PCDHA1: variants seen among roughly 807,000 people sequenced by gnomAD.
PCDHA1 encodes protocadherin alpha 1.
In PCDHA1, 42 loss-of-function variants were observed where a neutral mutation model predicts 61.3. The ratio of observed to expected loss-of-function variants is 0.69; its 90% CI spans 0.54 to 0.89. The LOEUF (loss-of-function observed/expected upper bound fraction) is 0.89, where lower values mean the gene tolerates loss of function less well. Among genes scored for constraint, PCDHA1 ranks in the 40% least tolerant of loss-of-function variants. PCDHA1 has a pLI of 0.00. For synonymous variants in PCDHA1, 610 were observed against 553.8 expected, an observed-to-expected ratio of 1.10 and a Z score of -1.43; for missense variants, 1,256 against 1,235.3, an observed-to-expected ratio of 1.02 and a Z score of -0.25.
At chr5:140,884,296 ACAGG>A in intron 1 of PCDHA1, 1 of 1,613,674 alleles carries the variant, frequency 6.2e-7, no homozygotes, top group Non-Finnish European at 8.5e-7. Flanking sequence ...GCCAAGCGCC[ACAGG>A]CTTCGTCGAG....
chr5:140,814,430 T>C (rs1433195135), intron 1 of PCDHA1: 3 of 151,644 alleles, frequency 2.0e-5, no homozygotes, highest in African/African-American at 7.3e-5. Context: ...CCTGAGGCTG[T>C]TTTGTGGTGA....
At chr5:140,885,189 C>T (rs1554182051) in intron 1 of PCDHA1, among the ~76,000 whole-genome samples, 1 of 151,992 alleles carries the variant, frequency 6.6e-6, no homozygotes, top group Non-Finnish European at 1.5e-5. Context: ...CATCAGTGTT[C>T]CCCTCTCATA....
rs1364522984 is a variant in PCDHA1 at position 140,856,543 on chromosome 5, A to G, written c.2394+67859A>G. 5.0e-6 allele frequency: 8 copies of G among 1,598,190 alleles called. No homozygotes were observed. In the African/African-American group the frequency reaches 6.7e-5, roughly 13 times the overall value. The stretch of plus-strand genomic sequence containing the variant: ...CTGATGCGGATGTTGGAGAGAACGC[A>G]TTGCTTACTTACAAACTCAGTCCAA... On this transcript the variant is annotated intron_variant, in intron 1 of 3. Transcript: ENST00000504120.
intron 1 of PCDHA1, among the ~76,000 whole-genome samples, chr5:140,837,886 C>T (rs1466183059): frequency 6.6e-6 from 1 of 151,430 alleles, no homozygotes; most frequent in East Asian, 1.9e-4. Context: ...GTCTTGTTTC[C>T]CAGGCTGGTC....
rs782424999 is a variant in PCDHA1, at chr5:140,787,664, C to G, written c.1374C>G (p.Pro458=). The G allele has an allele frequency of 6.2e-6, 10 of 1,613,674 alleles. No individual in the cohort carries two copies. The highest frequency in any genetic ancestry group is 8.5e-6 in the Non-Finnish European group (10 of 1,179,916). Residue 458 remains proline (P), a synonymous_variant, in exon 1 of 4, where the codon CCC becomes CCG. Transcript: ENST00000504120. ...VNDNAPAFAQ[P]EYTVFVKENN... The stretch of plus-strand genomic sequence containing the variant: ...ACAACGCGCCTGCGTTCGCGCAGCC[C>G]GAGTACACAGTATTCGTGAAGGAGA...
chr5:141,002,497 CT>C (rs1310638544), intron 3 of PCDHA1, among the ~76,000 whole-genome samples: 1 of 152,204 alleles, frequency 6.6e-6, no homozygotes, highest in Non-Finnish European at 1.5e-5. Flanking sequence ...TGTTATACAG[CT>C]CAGGATCTGA....
rs191774551 is a variant in PCDHA1, at chr5:140,984,794, A to C, written c.2542+2231A>C. Among the ~76,000 whole-genome samples, 4 of 152,294 alleles carry C rather than the reference A, an allele frequency of 2.6e-5. No homozygotes were observed. In the East Asian group the frequency reaches 7.7e-4, roughly 29 times the overall value. ...CTTACTTGCTGGGTGAGCATAGACA[A>C]ACTGCCTGAATTCATATTTTCTTAA... On this transcript the variant is annotated intron_variant, in intron 3 of 3. Transcript: ENST00000504120.
intron 1 of PCDHA1, chr5:140,883,919 C>T (rs1554180590): frequency 1.2e-6 from 2 of 1,613,316 alleles, no homozygotes; most frequent in Non-Finnish European, 8.5e-7. Flanking sequence ...CAACGTGACG[C>T]TGCAGGTGTT....
At chr5:140,834,897 C>T (rs1364114983) in intron 1 of PCDHA1, 11 of 1,602,496 alleles carry the variant, frequency 6.9e-6, no homozygotes, top group Non-Finnish European at 2.6e-6. Flanking sequence ...CACTTACAGA[C>T]TGAGCCCCAA....
At chr5:140,850,475 G>C (rs2150485791) in intron 1 of PCDHA1, 7 of 1,597,894 alleles carry the variant, frequency 4.4e-6, no homozygotes, top group Middle Eastern at 1.7e-4. Flanking sequence ...CAGCGCTGAC[G>C]GCCACGGCCA....
Position 140,842,613 on chromosome 5 carries a change from G to T in PCDHA1, c.2394+53929G>T, listed in dbSNP as rs782736515. On this transcript the variant is annotated intron_variant, in intron 1 of 3. Transcript: ENST00000504120. ...TTGGTGGTAACCGCGCGGGACGGGG[G>T]CTCGCCTTCGCTGTGGGCCACCGCC... 3.1e-6 allele frequency: 5 copies of T among 1,595,814 alleles called. 1 individual carries two copies. The highest frequency in any genetic ancestry group is 4.3e-6 in the Non-Finnish European group (5 of 1,165,648).
chr5:140,989,653 T>A (rs1308581336), intron 3 of PCDHA1, among the ~76,000 whole-genome samples: 2 of 152,194 alleles, frequency 1.3e-5, no homozygotes, highest in African/African-American at 4.8e-5. Context: ...ATGGCAATAT[T>A]TTAAAAGAAA....
rs191667063 is a variant in PCDHA1 at position 140,957,933 on chromosome 5, T to G, written c.2395-21016T>G. Among the ~76,000 whole-genome samples the G allele has an allele frequency of 2.8e-3, 419 of 152,208 alleles. 2 individuals carry two copies. The highest frequency in any genetic ancestry group is 0.014 in the Middle Eastern group (4 of 294). ...GTTATCTATGTATCAAGCTAAATAA[T>G]TTAAAGATCTTTAAGACTATTAATT... is the stretch of plus-strand genomic sequence containing the variant. On this transcript the variant is annotated intron_variant, in intron 1 of 3. Transcript: ENST00000504120.
Position 140,787,871 on chromosome 5 carries a change from G to C in PCDHA1, c.1581G>C (p.Glu527Asp). 6.2e-7 allele frequency: 1 copy of C among 1,613,192 alleles called. No homozygotes were observed. The highest frequency in any genetic ancestry group is 8.5e-7 in the Non-Finnish European group (1 of 1,179,854). ...CACTGCAGCCCCTGGACCACGAGGA[G>C]CTGGAGCTGCTGCAGTTCCAGGTGA... is the stretch of plus-strand genomic sequence containing the variant. Reference protein sequence around the residue: ...VYALQPLDHEELELLQFQVSA... With the variant: ...VYALQPLDHEDLELLQFQVSA... Residue 527 changes from glutamate to aspartate, a missense_variant, in exon 1 of 4, where the codon GAG becomes GAC. Transcript: ENST00000504120.
chr5:140,942,157 T>C (rs2093241169), intron 1 of PCDHA1, among the ~76,000 whole-genome samples: 1 of 152,236 alleles, frequency 6.6e-6, no homozygotes, highest in Non-Finnish European at 1.5e-5. Context: ...TAAAACAGCT[T>C]CCATATTTCT....
intron 1 of PCDHA1, chr5:140,968,755 A>G: frequency 6.2e-7 from 1 of 1,614,200 alleles, no homozygotes. Flanking sequence ...TGGTGGTCCG[A>G]GATAATGGAG....
At chr5:140,984,693 A>G (rs1587034361) in intron 3 of PCDHA1, among the ~76,000 whole-genome samples, 1 of 152,264 alleles carries the variant, frequency 6.6e-6, no homozygotes, top group East Asian at 1.9e-4. Flanking sequence ...TATGTTCTGC[A>G]CTGCTTGGAG....
Position 141,010,456 on chromosome 5 carries a change from TATC to T in PCDHA1, c.*521_*523del. The T allele has an allele frequency of 1.1e-6, 1 of 877,088 alleles. No individual in the cohort carries two copies. The highest frequency in any genetic ancestry group is 3.0e-5 in the Admixed American group (1 of 33,582). The allele number at this position is 877,088 out of a possible 1,614,324, so 54.3% of individuals were successfully genotyped here. On this transcript the variant is annotated 3_prime_UTR_variant, in exon 4 of 4. Transcript: ENST00000504120. ...ACAAAGACAAATAAACAGCGGAAGT[TATC>T]AGTATGGAGGGGAAGTGTAAACTTA... is the stretch of plus-strand genomic sequence containing the variant.
chr5:140,828,949 A>C (rs1770047572), intron 1 of PCDHA1: 1 of 1,614,264 alleles, frequency 6.2e-7, no homozygotes, highest in Non-Finnish European at 8.5e-7. Context: ...GCCTTGTTGC[A>C]GCCATGGTTA....
Sources: gnomAD v4.1 joint callset for allele counts (sites outside exome capture counted in the v4.1 genomes callset) on GRCh38, gnomAD v4.1.1 for gene constraint, MANE v1.5 for transcripts, NCBI Gene and HGNC (gene_info 2026-07-23, HGNC 2026-07-21) for gene names.